MKNK1: variants seen among roughly 807,000 people sequenced by gnomAD.
The protein encoded by MKNK1 is MAP kinase-interacting serine/threonine-protein kinase 1.
A neutral mutation model predicts 49.3 loss-of-function variants in MKNK1; 30 were observed. The observed-to-expected ratio is 0.61, with a 90% CI of 0.46 to 0.83. MKNK1 has a LOEUF of 0.83. MKNK1 is among the 40% of genes least tolerant of loss of function. MKNK1 has a pLI of 0.00. For synonymous variants in MKNK1, 176 were observed against 201.7 expected, an observed-to-expected ratio of 0.87 and a Z score of 1.08; for missense variants, 423 against 524.7, an observed-to-expected ratio of 0.81 and a Z score of 1.89.
At chr1:46,581,681 T>C (rs754506625) in intron 3 of MKNK1, among the ~76,000 whole-genome samples, 1 of 152,132 alleles carries the variant, frequency 6.6e-6, no homozygotes, top group Non-Finnish European at 1.5e-5. Flanking sequence ...CACTGTTCTA[T>C]TTTATACCCC....
intron 2 of MKNK1, among the ~76,000 whole-genome samples, chr1:46,588,517 C>T (rs974838518): frequency 6.6e-6 from 1 of 152,184 alleles, no homozygotes; most frequent in East Asian, 1.9e-4. Context: ...TTAAAAAATG[C>T]TACTTCTTGG....
chr1:46,587,247 C>T (rs866914391), intron 2 of MKNK1, among the ~76,000 whole-genome samples: 15 of 152,194 alleles, frequency 9.9e-5, no homozygotes, highest in East Asian at 1.9e-4. Context: ...CCAGCACTTC[C>T]GCTGCCTCCA....
chr1:46,572,212 GTAAGTA>G lies in MKNK1; in HGVS notation c.353-51_353-46del, dbSNP rs781731360. The G allele has an allele frequency of 3.9e-6, 6 of 1,525,372 alleles. No homozygotes were observed. In the African/African-American group the frequency reaches 5.5e-5, roughly 14 times the overall value. 94.5% of individuals were successfully genotyped at this position (1,525,372 alleles called of 1,614,324 possible). On this transcript the variant is annotated intron_variant, in intron 6 of 12. Coordinates refer to ENST00000371945, the MANE Select transcript of MKNK1 (RefSeq NM_001135553.4). ...TAGAAGAATGCCTTTTTGGGCTCTA[GTAAGTA>G]TAAGTTTTTTTTTTAGACGAAGTCT...
chr1:46,576,732 T>C, intron 4 of MKNK1, 78 bp from the exon 5 acceptor site: 1 of 1,202,498 alleles, frequency 8.3e-7, no homozygotes, highest in Non-Finnish European at 1.2e-6. Context: ...TCTGGGAGAA[T>C]GCAAGGCCAC....
rs1443236431 is a variant in MKNK1, at chr1:46,557,987, T to C, written c.*588A>G. Reference sequence around the variant, plus strand: ...TTTCAGTCACAGCAAAGAAAGATTATGTGCTTTTCCGTGCTGCAGACCGGA... The same window carrying C: ...TTTCAGTCACAGCAAAGAAAGATTACGTGCTTTTCCGTGCTGCAGACCGGA... On this transcript the variant is annotated 3_prime_UTR_variant, in exon 13 of 13. Transcript: ENST00000371945. 6.5e-6 allele frequency: 1 copy of C among 152,758 alleles called. No homozygotes were observed. Among genetic ancestry groups the C allele is most frequent in the Non-Finnish European group, 1.5e-5 (1 of 68,140 alleles). The allele number at this position is 152,758 out of a possible 1,614,324, so 9.5% of individuals were successfully genotyped here. A position where few individuals can be genotyped will look rare whatever the true frequency, so the allele number is the denominator to read the frequency against.
intron 1 of MKNK1, among the ~76,000 whole-genome samples, chr1:46,595,487 G>A (rs1673943023): frequency 6.6e-6 from 1 of 151,782 alleles, no homozygotes; most frequent in Non-Finnish European, 1.5e-5. Context: ...ATTCCTCAAA[G>A]GCAAGCACTT....
intron 7 of MKNK1, among the ~76,000 whole-genome samples, chr1:46,570,481 G>A (rs1669909871): frequency 6.6e-6 from 1 of 152,222 alleles, no homozygotes; most frequent in Non-Finnish European, 1.5e-5. Flanking sequence ...TCAGTATGCA[G>A]ACCTCTTTCA....
intron 1 of MKNK1, among the ~76,000 whole-genome samples, chr1:46,597,984 G>A (rs12090191): frequency 0.023 from 3,542 of 152,314 alleles, 124 homozygotes; most frequent in African/African-American, 0.08. Context: ...GTTTAGCCGG[G>A]AGAAGAGAAG....
intron 8 of MKNK1, among the ~76,000 whole-genome samples, chr1:46,567,771 A>C (rs1322886499): frequency 3.3e-5 from 5 of 152,228 alleles, no homozygotes; most frequent in Non-Finnish European, 1.5e-5. Flanking sequence ...TAATAAACAC[A>C]GAATTTGTCA....
chr1:46,583,340 AGAG>A lies in MKNK1; in HGVS notation c.-2-14_-2-12del. 6.2e-7 allele frequency: 1 copy of A among 1,600,354 alleles called. No individual in the cohort carries two copies. The highest frequency in any genetic ancestry group is 8.6e-7 in the Non-Finnish European group (1 of 1,167,868). On this transcript the variant is annotated splice_polypyrimidine_tract_variant and intron_variant, in intron 2 of 12. Coordinates refer to ENST00000371945, the MANE Select transcript of MKNK1 (RefSeq NM_001135553.4). ...CGCTACTGCCCATCTCTAGGAGATA[AGAG>A]GAGATGTAAGGGAAACATCACTGTA...
At chr1:46,590,698 T>A (rs981943620) in intron 2 of MKNK1, among the ~76,000 whole-genome samples, 2 of 152,240 alleles carry the variant, frequency 1.3e-5, no homozygotes, top group African/African-American at 4.8e-5. Context: ...AGAATGCTTT[T>A]GTTTATAAAC....
At chr1:46,573,094 T>C (rs957878207) in intron 6 of MKNK1, among the ~76,000 whole-genome samples, 1 of 152,250 alleles carries the variant, frequency 6.6e-6, no homozygotes, top group Admixed American at 6.5e-5. Context: ...AGTACACTTA[T>C]TCTCGTTTTA....
At chr1:46,594,919 C>T (rs189708310) in intron 1 of MKNK1, 5 of 377,732 alleles carry the variant, frequency 1.3e-5, no homozygotes, top group East Asian at 1.1e-4. Context: ...CCCAGGAGGT[C>T]GAGGCTGCAA....
rs1275127621 is a variant in MKNK1, at chr1:46,558,802, T to C, written c.1014-2A>G. 1.2e-6 allele frequency: 2 copies of C among 1,612,776 alleles called. No individual in the cohort carries two copies. Among genetic ancestry groups the C allele is most frequent in the South Asian group, 2.2e-5 (2 of 90,894 alleles). ...GTCAGGTCCATTGTGCTGCTGTTCC[T>C]GCAGGGCCAGGGGAAAGCACAGAAA... On this transcript the variant is annotated splice_acceptor_variant, in intron 12 of 12. Coordinates refer to ENST00000371945, the MANE Select transcript of MKNK1 (RefSeq NM_001135553.4). LOFTEE classifies it high-confidence loss of function.
At position 46,594,232 on chromosome 1, in the gene MKNK1, G is replaced by T; in HGVS notation, c.-122C>A. ...TACACGAAGTGTCTCAATGGCCTTT[G>T]TGCGTAGGTGGCAATCTTCAGTTCT... On this transcript the variant is annotated 5_prime_UTR_variant, in exon 2 of 13. Coordinates refer to ENST00000371945, the MANE Select transcript of MKNK1 (RefSeq NM_001135553.4). 9.8e-7 allele frequency: 1 copy of T among 1,023,538 alleles called. No homozygotes were observed. The highest frequency in any genetic ancestry group is 1.6e-6 in the Non-Finnish European group (1 of 644,916). The allele number at this position is 1,023,538 out of a possible 1,614,324, so 63.4% of individuals were successfully genotyped here. A position where few individuals can be genotyped will look rare whatever the true frequency, so the allele number is the denominator to read the frequency against.
intron 7 of MKNK1, chr1:46,569,294 G>A (rs1384594904): frequency 6.6e-6 from 1 of 152,288 alleles, no homozygotes; most frequent in East Asian, 1.9e-4. Flanking sequence ...ACTGGAGATA[G>A]CAGCTTAGCC....
intron 3 of MKNK1, among the ~76,000 whole-genome samples, chr1:46,581,449 G>T (rs1014390983): frequency 7.4e-6 from 1 of 134,444 alleles, no homozygotes; most frequent in Non-Finnish European, 1.5e-5. Flanking sequence ...GGCGGAGGTT[G>T]TAGTGAGCCA....
At chr1:46,581,117 C>T (rs1318986977) in intron 3 of MKNK1, among the ~76,000 whole-genome samples, 1 of 151,928 alleles carries the variant, frequency 6.6e-6, no homozygotes, top group Non-Finnish European at 1.5e-5. Context: ...GGAAGACAGA[C>T]ACATACACAG....
At chr1:46,569,799 T>A (rs1265130249) in intron 7 of MKNK1, 1 of 152,212 alleles carries the variant, frequency 6.6e-6, no homozygotes, top group Non-Finnish European at 1.5e-5. Flanking sequence ...GTGGAAGATA[T>A]TTTCCATTAC....
Sources: allele counts gnomAD v4.1 joint callset (sites outside exome capture counted in the v4.1 genomes callset), GRCh38; gene constraint gnomAD v4.1.1; transcripts MANE v1.5; gene names NCBI Gene and HGNC (gene_info 2026-07-23, HGNC 2026-07-21).